Variants in RYR1 observed in about 807,000 individuals in gnomAD.
RYR1 encodes the protein central core disease of muscle.
In RYR1, 342 loss-of-function variants were observed where a neutral mutation model predicts 583.5. That is an observed-to-expected ratio of 0.59 (90% confidence interval 0.54 to 0.64). The LOEUF is 0.64. Among genes scored for constraint, RYR1 ranks in the 30% least tolerant of loss-of-function variants. The pLI is 0.00. For synonymous variants in RYR1, 2,791 were observed against 2,822.5 expected, an observed-to-expected ratio of 0.99 and a Z score of 0.35; for missense variants, 6,032 against 6,917.2, an observed-to-expected ratio of 0.87 and a Z score of 4.54.
chr19:38,512,054 C>T lies in RYR1; in HGVS notation c.9173-18C>T, dbSNP rs776839658. On this transcript the variant is annotated intron_variant, in intron 61 of 105. Coordinates refer to ENST00000359596, the MANE Select transcript of RYR1 (RefSeq NM_000540.3). This position sits in a 1 kb window ranked among gnomAD's most constrained non-coding sequence, Gnocchi z 5.1. Reference sequence around the variant, plus strand: ...CCTCTTAGCCATGGCATCCCCCCGGCCCATCTTCCTCTCCCAGGGACAGAC... The same window carrying T: ...CCTCTTAGCCATGGCATCCCCCCGGTCCATCTTCCTCTCCCAGGGACAGAC... 6.2e-7 allele frequency: 1 copy of T among 1,613,240 alleles called. No homozygotes were observed. The highest frequency in any genetic ancestry group is 2.2e-5 in the East Asian group (1 of 44,856).
chr19:38,581,668 A>G (rs1007756456), intron 101 of RYR1, among the ~76,000 whole-genome samples: 4 of 152,080 alleles, frequency 2.6e-5, no homozygotes, highest in African/African-American at 7.2e-5. Context: ...ACATGACCTC[A>G]GCTTACTGCA....
intron 89 of RYR1, among the ~76,000 whole-genome samples, chr19:38,552,386 C>G (rs1972701635): frequency 6.6e-6 from 1 of 151,720 alleles, no homozygotes; most frequent in South Asian, 2.1e-4. Context: ...TCCCGAGTAG[C>G]TGGACTACAG....
intron 94 of RYR1, among the ~76,000 whole-genome samples, chr19:38,571,654 A>G (rs1320274436): frequency 6.6e-6 from 1 of 152,164 alleles, no homozygotes; most frequent in African/African-American, 2.4e-5. Flanking sequence ...CAAAAAAAAG[A>G]GGATGAGTGT....
intron 81 of RYR1, 25 bp from the exon 82 acceptor site, chr19:38,535,972 C>T (rs368511504): frequency 8.2e-5 from 132 of 1,609,334 alleles, no homozygotes; most frequent in Non-Finnish European, 1.0e-4. Flanking sequence ...TCACATACCC[C>T]CTATCTTTCC....
At chr19:38,521,402 A>G (rs534687744) in intron 67 of RYR1, among the ~76,000 whole-genome samples, 1 of 151,834 alleles carries the variant, frequency 6.6e-6, no homozygotes, top group East Asian at 1.9e-4. Flanking sequence ...TGCTGGGTGC[A>G]GTGGCTCGTG....
intron 87 of RYR1, among the ~76,000 whole-genome samples, chr19:38,545,054 C>T (rs1228802040): frequency 6.6e-6 from 1 of 152,010 alleles, no homozygotes; most frequent in African/African-American, 2.4e-5. Flanking sequence ...AAGAGATCTC[C>T]TCTTTCCTGA....
chr19:38,503,099 T>A, intron 49 of RYR1, 129 bp downstream of exon 49: 2 of 860,718 alleles, frequency 2.3e-6, no homozygotes, highest in Non-Finnish European at 1.9e-6. Flanking sequence ...TAGGGCAGCG[T>A]CCCCGTAGAA....
At chr19:38,574,990 A>G (rs1402311022) in intron 96 of RYR1, among the ~76,000 whole-genome samples, 1 of 151,124 alleles carries the variant, frequency 6.6e-6, no homozygotes, top group Non-Finnish European at 1.5e-5. Flanking sequence ...CAGTGAGCCC[A>G]GATGGCACCA....
In RYR1 at chr19:38,444,915, C is replaced by T. The variant is rs899722523; in HGVS notation, c.631+238C>T. Among the ~76,000 whole-genome samples the T allele has an allele frequency of 9.2e-5, 14 of 151,614 alleles. No individual in the cohort carries two copies. Among genetic ancestry groups the T allele is most frequent in the African/African-American group, 3.4e-4 (14 of 41,228 alleles). Reference sequence around the variant, plus strand: ...CAAACTTAGACCCCAAAGTATTAGCCCCCAAGGCTCCTAAACTCAGATTCA... The same window carrying T: ...CAAACTTAGACCCCAAAGTATTAGCTCCCAAGGCTCCTAAACTCAGATTCA... On this transcript the variant is annotated intron_variant, in intron 7 of 105. Coordinates refer to ENST00000359596, the MANE Select transcript of RYR1 (RefSeq NM_000540.3). The surrounding 1 kb of genome is among the most constrained non-coding windows in gnomAD (Gnocchi z 5.1).
At chr19:38,457,434 G>C in intron 16 of RYR1, 63 bp from the exon 17 acceptor site, 3 of 1,613,236 alleles carry the variant, frequency 1.9e-6, no homozygotes, top group Non-Finnish European at 2.5e-6. Context: ...TCCCTCCCAG[G>C]GTTCTTCTGT....
intron 89 of RYR1, among the ~76,000 whole-genome samples, chr19:38,551,619 T>C (rs139299611): frequency 6.6e-6 from 1 of 152,250 alleles, no homozygotes; most frequent in East Asian, 1.9e-4. Flanking sequence ...CCTGTCAGGC[T>C]CCTGAAACTC....
intron 42 of RYR1, among the ~76,000 whole-genome samples, chr19:38,497,358 C>T (rs561260327): frequency 5.6e-4 from 86 of 152,342 alleles, no homozygotes; most frequent in African/African-American, 1.9e-3. Context: ...CACATTTCTT[C>T]GCTCTCCGAG....
Position 38,473,668 on chromosome 19 carries a change from A to G in RYR1, c.4057A>G (p.Lys1353Glu). The G allele has an allele frequency of 6.4e-7, 1 of 1,552,056 alleles. No individual in the cohort carries two copies. Among genetic ancestry groups the G allele is most frequent in the Non-Finnish European group, 8.7e-7 (1 of 1,147,920 alleles). Residue 1353 changes from lysine to glutamate, a missense_variant, in exon 28 of 106, where the codon AAG becomes GAG. Physicochemically the swap from Lys to Glu is moderately conservative, Grantham distance 56. This residue lies in a region of RYR1 where 2,627 missense variants were observed against 2,961.3 expected (regional missense o/e 0.89). Coordinates refer to ENST00000359596, the MANE Select transcript of RYR1 (RefSeq NM_000540.3). ...EAENGKEGTA[K>E]EGAPGGTPQA... ...AGAGAACGGCAAAGAAGGGACTGCG[A>G]AGGAGGGCGCCCCCGGGGGCACCCC...
intron 67 of RYR1, 140 bp from the exon 68 acceptor site, chr19:38,522,888 A>G: frequency 1.4e-6 from 1 of 714,702 alleles, no homozygotes; most frequent in Non-Finnish European, 2.4e-6. Context: ...GTTCATCTGC[A>G]TGGCCAGATG....
intron 21 of RYR1, 96 bp downstream of exon 21, chr19:38,463,623 G>T: frequency 2.1e-6 from 3 of 1,454,022 alleles, no homozygotes; most frequent in Non-Finnish European, 2.9e-6. Flanking sequence ...GGACCACAGG[G>T]CACCAGGGGG....
Position 38,543,286 on chromosome 19 carries a change from C to T in RYR1, c.11690-61C>T. 1 of 1,395,924 alleles carries T rather than the reference C, an allele frequency of 7.2e-7. No homozygotes were observed. The highest frequency in any genetic ancestry group is 1.2e-5 in the South Asian group (1 of 86,494). The allele number at this position is 1,395,924 out of a possible 1,614,324, so 86.5% of individuals were successfully genotyped here. A position where few individuals can be genotyped will look rare whatever the true frequency, so the allele number is the denominator to read the frequency against. The stretch of plus-strand genomic sequence containing the variant: ...AGTATTGCATAAATGAATAAATGAC[C>T]CACTGTTCATCTCCCCTAGCACATG... On this transcript the variant is annotated intron_variant, in intron 84 of 105. Transcript: ENST00000359596. This position sits in a 1 kb window ranked among gnomAD's most constrained non-coding sequence, Gnocchi z 4.4.
chr19:38,532,312 G>A (rs1253067369), intron 76 of RYR1, among the ~76,000 whole-genome samples, 178 bp from the exon 77 acceptor site: 1 of 151,938 alleles, frequency 6.6e-6, no homozygotes, highest in African/African-American at 2.4e-5. Flanking sequence ...TAGTAGAGAC[G>A]GGGTTTCACC....
intron 3 of RYR1, 40 bp downstream of exon 3, chr19:38,442,493 G>A: frequency 6.7e-7 from 1 of 1,495,034 alleles, no homozygotes; most frequent in East Asian, 2.3e-5. Flanking sequence ...TGGCAGAGAT[G>A]GGCGAGAGGA....
chr19:38,438,616 C>CTTTT lies in RYR1; in HGVS notation c.46-2112_46-2109dup, dbSNP rs71165544. The stretch of plus-strand genomic sequence containing the variant: ...CATTATGTATATTGCCCAGGCTAGT[C>CTTTT]TTTTTTTTTTTTTTTTTTTTGAGAT... On this transcript the variant is annotated intron_variant, in intron 1 of 105. Transcript: ENST00000359596. Among the ~76,000 whole-genome samples the CTTTT allele has an allele frequency of 4.4e-4, 41 of 93,960 alleles. 2 individuals carry two copies. The highest frequency in any genetic ancestry group is 1.1e-3 in the East Asian group (3 of 2,660). 61.6% of individuals were successfully genotyped at this position (93,960 alleles called of 152,430 possible). A position where few individuals can be genotyped will look rare whatever the true frequency, so the allele number is the denominator to read the frequency against.
Sources: gnomAD v4.1 joint callset for allele counts (sites outside exome capture counted in the v4.1 genomes callset) on GRCh38, gnomAD v4.1.1 for gene constraint, gnomAD v4.1.1 regional missense constraint, Gnocchi (gnomAD v3.1) non-coding constraint, MANE v1.5 for transcripts, NCBI Gene and HGNC (gene_info 2026-07-23, HGNC 2026-07-21) for gene names.